NALCN: variants seen among roughly 807,000 people sequenced by gnomAD.
The protein encoded by NALCN is sodium leak channel, non-selective.
A neutral mutation model predicts 225.3 loss-of-function variants in NALCN; 111 were observed. The ratio of observed to expected loss-of-function variants is 0.49; its 90% CI spans 0.42 to 0.58. NALCN has a LOEUF of 0.58. NALCN is among the 20% of genes least tolerant of loss of function. NALCN has a pLI of 0.00. For synonymous variants in NALCN, 764 were observed against 769.0 expected, an observed-to-expected ratio of 0.99 and a Z score of 0.11; for missense variants, 1,378 against 2,202.4, an observed-to-expected ratio of 0.63 and a Z score of 7.49.
chr13:101,265,452 A>C (rs1395553456), intron 10 of NALCN, among the ~76,000 whole-genome samples: 1 of 152,178 alleles, frequency 6.6e-6, no homozygotes, highest in Non-Finnish European at 1.5e-5. Context: ...GAACAACAAG[A>C]AAGGTCACTT....
chr13:101,379,607 A>G (rs1301605653), intron 3 of NALCN, among the ~76,000 whole-genome samples: 1 of 152,132 alleles, frequency 6.6e-6, no homozygotes, highest in Non-Finnish European at 1.5e-5. Flanking sequence ...CAGCCAAACT[A>G]ACACAGGAAC....
intron 7 of NALCN, among the ~76,000 whole-genome samples, chr13:101,324,683 G>A (rs561390554): frequency 3.3e-5 from 5 of 152,244 alleles, no homozygotes; most frequent in East Asian, 1.9e-4. Context: ...GGGCTGAGAC[G>A]ATGGGGTTTT....
chr13:101,319,130 G>A (rs2044657142), intron 7 of NALCN, among the ~76,000 whole-genome samples: 1 of 152,282 alleles, frequency 6.6e-6, no homozygotes, highest in Admixed American at 6.5e-5. Flanking sequence ...TCTCTTAGCA[G>A]GACTGTGGAT....
intron 33 of NALCN, among the ~76,000 whole-genome samples, chr13:101,081,900 C>G (rs1226973064): frequency 2.6e-5 from 4 of 152,092 alleles, no homozygotes; most frequent in Non-Finnish European, 4.4e-5. Context: ...TTTTTTGAGA[C>G]TGAGTCTCGC....
chr13:101,073,157 T>C (rs894641880), intron 37 of NALCN, among the ~76,000 whole-genome samples: 1 of 152,096 alleles, frequency 6.6e-6, no homozygotes, highest in Non-Finnish European at 1.5e-5. Flanking sequence ...TACTTTATAG[T>C]ATAAAGGAAG....
chr13:101,233,662 A>G (rs561732257), intron 12 of NALCN, among the ~76,000 whole-genome samples: 2 of 152,166 alleles, frequency 1.3e-5, no homozygotes, highest in East Asian at 3.9e-4. Context: ...TAGCTCCATC[A>G]TCTGCTAGGT....
chr13:101,299,549 T>A (rs978324370), intron 7 of NALCN, among the ~76,000 whole-genome samples: 1 of 152,146 alleles, frequency 6.6e-6, no homozygotes, highest in Admixed American at 6.6e-5. Flanking sequence ...TAATTCTTAA[T>A]CCACGTTGGT....
intron 15 of NALCN, among the ~76,000 whole-genome samples, chr13:101,147,781 C>A (rs542990502): frequency 9.6e-4 from 146 of 152,102 alleles, no homozygotes; most frequent in African/African-American, 3.4e-3. Flanking sequence ...CTAGCTCTAT[C>A]CCCACACCGG....
chr13:101,180,799 C>T (rs576442372), intron 14 of NALCN: 15 of 327,516 alleles, frequency 4.6e-5, no homozygotes, highest in Non-Finnish European at 8.5e-5. Flanking sequence ...TGCCGATGCT[C>T]CCAAGTGAGG....
intron 3 of NALCN, among the ~76,000 whole-genome samples, chr13:101,389,829 C>T (rs1362483272): frequency 6.6e-6 from 1 of 152,196 alleles, no homozygotes; most frequent in African/African-American, 2.4e-5. Context: ...CGCCTGGAAT[C>T]CCAGAACCTT....
intron 13 of NALCN, among the ~76,000 whole-genome samples, chr13:101,210,824 C>A (rs1018383798): frequency 6.6e-6 from 1 of 152,170 alleles, no homozygotes; most frequent in African/African-American, 2.4e-5. Flanking sequence ...TACTTTGCAC[C>A]TGTTACTTCC....
At chr13:101,143,017 CG>C (rs767427315) in intron 17 of NALCN, 62 bp downstream of exon 17, 1 of 1,587,638 alleles carries the variant, frequency 6.3e-7, no homozygotes, top group Non-Finnish European at 8.6e-7. Flanking sequence ...AAGAACTCTG[CG>C]GTTCTTTTCT....
chr13:101,093,683 C>T (rs2034352299), intron 28 of NALCN, among the ~76,000 whole-genome samples: 1 of 152,202 alleles, frequency 6.6e-6, no homozygotes, highest in Admixed American at 6.5e-5. Context: ...TAGGGCACAA[C>T]TGGCAGGTTT....
chr13:101,340,205 T>C (rs1460331055), intron 7 of NALCN, among the ~76,000 whole-genome samples: 2 of 151,036 alleles, frequency 1.3e-5, no homozygotes, highest in African/African-American at 2.4e-5. Context: ...GAGGCAAAGT[T>C]TGCAGTGAGC....
intron 14 of NALCN, among the ~76,000 whole-genome samples, chr13:101,189,015 A>G (rs575017684): frequency 7.9e-4 from 120 of 152,206 alleles, no homozygotes; most frequent in African/African-American, 2.8e-3. Flanking sequence ...ATGGATGCAT[A>G]TATGTGTGGG....
intron 11 of NALCN, among the ~76,000 whole-genome samples, chr13:101,239,894 G>A (rs2390576): frequency 0.53 from 80,303 of 151,838 alleles, 21,364 homozygotes; most frequent in Non-Finnish European, 0.54. Flanking sequence ...ATCCATGCCA[G>A]TATCAGTGTA....
In NALCN at chr13:101,380,013, C is replaced by T. The variant is rs191021583; in HGVS notation, c.292-1360G>A. Among the ~76,000 whole-genome samples, 5 of 152,076 alleles carry T rather than the reference C, an allele frequency of 3.3e-5. No individual in the cohort carries two copies. The East Asian group carries it at 9.7e-4, about 30-fold the overall frequency. ...GTATTAGATCATTAAGGCAAAAACC[C>T]CCAAAGATCAAATGCACCTGATAGA... is the stretch of plus-strand genomic sequence containing the variant. On this transcript the variant is annotated intron_variant, in intron 3 of 43. Coordinates refer to ENST00000251127, the MANE Select transcript of NALCN (RefSeq NM_052867.4).
chr13:101,081,720 C>A, intron 33 of NALCN, 74 bp from the exon 34 acceptor site: 15 of 1,535,798 alleles, frequency 9.8e-6, no homozygotes, highest in Non-Finnish European at 1.2e-5. Flanking sequence ...ACTTGAGATG[C>A]ATTATGTGTA....
At chr13:101,397,099 T>TATATATAC (rs1555346483) in intron 2 of NALCN, among the ~76,000 whole-genome samples, 31 of 65,314 alleles carry the variant, frequency 4.7e-4, no homozygotes, top group South Asian at 1.0e-3. Context: ...TATATATATA[T>TATATATAC]ATATATATAT....
Sources: gnomAD v4.1 joint callset for allele counts (sites outside exome capture counted in the v4.1 genomes callset) on GRCh38, gnomAD v4.1.1 for gene constraint, MANE v1.5 for transcripts, NCBI Gene and HGNC (gene_info 2026-07-23, HGNC 2026-07-21) for gene names.